FAT4: variants seen among roughly 807,000 people sequenced by gnomAD.
The protein encoded by FAT4 is protocadherin Fat 4.
In FAT4, 84 loss-of-function variants were observed where a neutral mutation model predicts 303.9. That is an observed-to-expected ratio of 0.28 (90% CI 0.23 to 0.33). The LOEUF is 0.33. Among genes scored for constraint, FAT4 ranks in the 10% least tolerant of loss-of-function variants. The pLI is 1.00. For missense variants in FAT4, 6,005 were observed against 6,146.8 expected, an observed-to-expected ratio of 0.98 and a Z score of 0.77; for synonymous variants, 2,307 against 2,298.8, an observed-to-expected ratio of 1.00 and a Z score of -0.10.
intron 2 of FAT4, among the ~76,000 whole-genome samples, chr4:125,327,216 G>T (rs1397544897): frequency 1.3e-5 from 2 of 152,104 alleles, no homozygotes; most frequent in African/African-American, 4.8e-5. Flanking sequence ...GAATTTGAGA[G>T]AAGGGAGCTG....
rs1471220805 is a variant in FAT4, at chr4:125,468,513, T to A, written c.11907T>A (p.Gly3969=). Residue 3969 remains glycine (G), a splice_region_variant and synonymous_variant, in exon 12 of 18, where the codon GGT becomes GGA. Coordinates refer to ENST00000394329, the MANE Select transcript of FAT4 (RefSeq NM_001291303.3). Reference sequence around the variant, plus strand: ...GTTTGTCAATTTTCCCTCCAACAGGTGTCTTTGGAAAACACTGCGAGTTGA... The same window carrying A: ...GTTTGTCAATTTTCCCTCCAACAGGAGTCTTTGGAAAACACTGCGAGTTGA... ...VDSYYCHCPF[G]VFGKHCELNS... 10 of 1,484,392 alleles carry A rather than the reference T, an allele frequency of 6.7e-6. No individual in the cohort carries two copies. Among genetic ancestry groups the A allele is most frequent in the Non-Finnish European group, 9.0e-6 (10 of 1,106,196 alleles). 92.0% of individuals were successfully genotyped at this position (1,484,392 alleles called of 1,614,324 possible). A position where few individuals can be genotyped will look rare whatever the true frequency, so the allele number is the denominator to read the frequency against.
At chr4:125,465,194 A>AT (rs1726620707) in intron 11 of FAT4, among the ~76,000 whole-genome samples, 1 of 152,138 alleles carries the variant, frequency 6.6e-6, no homozygotes, top group South Asian at 2.1e-4. Context: ...CTAGAACACA[A>AT]TTTTTTATTT....
intron 5 of FAT4, among the ~76,000 whole-genome samples, chr4:125,409,232 C>A (rs149075692): frequency 6.6e-6 from 1 of 151,556 alleles, no homozygotes; most frequent in Admixed American, 6.6e-5. Flanking sequence ...CTAAGTTTCA[C>A]ATTTTTGGCT....
At chr4:125,413,351 C>T (rs1482660763) in intron 5 of FAT4, among the ~76,000 whole-genome samples, 1 of 151,774 alleles carries the variant, frequency 6.6e-6, no homozygotes, top group Non-Finnish European at 1.5e-5. Flanking sequence ...TCTTCAGACT[C>T]CTAAGTATTC....
At chr4:125,339,531 A>T (rs548039467) in intron 2 of FAT4, among the ~76,000 whole-genome samples, 2 of 152,296 alleles carry the variant, frequency 1.3e-5, no homozygotes, top group South Asian at 4.1e-4. Flanking sequence ...TTATTAAACA[A>T]TAATAGCATC....
At position 125,477,342 on chromosome 4, in the gene FAT4, G is replaced by T; in HGVS notation, c.12479+8G>T. The T allele has an allele frequency of 6.5e-7, 1 of 1,540,560 alleles. No individual in the cohort carries two copies. Among genetic ancestry groups the T allele is most frequent in the Non-Finnish European group, 8.8e-7 (1 of 1,140,290 alleles). The stretch of plus-strand genomic sequence containing the variant: ...ACAAGGCATCCTAGATCAGTATGGC[G>T]ATTTTATTTCTTACTGTTTTAAAGA... On this transcript the variant is annotated splice_region_variant and intron_variant, in intron 14 of 17. Transcript: ENST00000394329.
intron 10 of FAT4, among the ~76,000 whole-genome samples, chr4:125,453,653 C>T (rs570665694): frequency 6.6e-4 from 100 of 151,702 alleles, no homozygotes; most frequent in Non-Finnish European, 1.3e-3. Context: ...TTGCAGTGAG[C>T]CGAGATCGCG....
At chr4:125,326,547 T>A (rs1319845243) in intron 2 of FAT4, among the ~76,000 whole-genome samples, 1 of 152,124 alleles carries the variant, frequency 6.6e-6, no homozygotes, top group Non-Finnish European at 1.5e-5. Context: ...AGTTAATAAG[T>A]CGCTTAAGTT....
intron 5 of FAT4, among the ~76,000 whole-genome samples, chr4:125,409,853 T>C (rs967618920): frequency 7.2e-5 from 11 of 152,194 alleles, no homozygotes; most frequent in Non-Finnish European, 1.6e-4. Flanking sequence ...TTTTCCCTTA[T>C]GTTGGATGCA....
chr4:125,385,179 A>G (rs893498667), intron 2 of FAT4, among the ~76,000 whole-genome samples: 2 of 151,344 alleles, frequency 1.3e-5, no homozygotes, highest in Non-Finnish European at 2.9e-5. Context: ...CCGCCACCAC[A>G]CCTGGCTAAT....
intron 2 of FAT4, among the ~76,000 whole-genome samples, chr4:125,389,115 CAA>C (rs748903715): frequency 1.3e-5 from 2 of 151,950 alleles, no homozygotes; most frequent in Non-Finnish European, 2.9e-5. Flanking sequence ...AAAATGAAAC[CAA>C]AGAGAATCTA....
intron 9 of FAT4, among the ~76,000 whole-genome samples, chr4:125,448,185 C>G (rs1413678787): frequency 1.3e-5 from 2 of 152,010 alleles, no homozygotes; most frequent in African/African-American, 4.8e-5. Context: ...AAGTTCTTTT[C>G]CCTAGGCTTC....
chr4:125,417,451 T>C (rs1411988126), intron 7 of FAT4, among the ~76,000 whole-genome samples: 1 of 152,074 alleles, frequency 6.6e-6, no homozygotes, highest in Non-Finnish European at 1.5e-5. Flanking sequence ...GCCTTGAAAA[T>C]CAGGGTCAGG....
At chr4:125,378,836 A>G (rs1733431882) in intron 2 of FAT4, among the ~76,000 whole-genome samples, 1 of 152,218 alleles carries the variant, frequency 6.6e-6, no homozygotes, top group Admixed American at 6.5e-5. Context: ...TTTTAAATGT[A>G]GGAAGTGCAC....
At chr4:125,356,628 A>G (rs574366716) in intron 2 of FAT4, among the ~76,000 whole-genome samples, 1 of 146,926 alleles carries the variant, frequency 6.8e-6, no homozygotes, top group South Asian at 2.1e-4. Flanking sequence ...GAGTTATTTT[A>G]AAAAGTGACA....
At chr4:125,447,479 G>T (rs772599074) in intron 9 of FAT4, among the ~76,000 whole-genome samples, 1 of 152,058 alleles carries the variant, frequency 6.6e-6, no homozygotes, top group Non-Finnish European at 1.5e-5. Context: ...CCTGCTAAAG[G>T]TCTTCAGATG....
rs1334366167 is a variant in FAT4 at position 125,491,305 on chromosome 4, A to T, written c.14489A>T (p.Asn4830Ile). 2 of 1,614,208 alleles carry T rather than the reference A, an allele frequency of 1.2e-6. No homozygotes were observed. The highest frequency in any genetic ancestry group is 2.2e-5 in the South Asian group (2 of 91,082). The change falls in exon 18 of 18, where the codon AAT (asparagine) becomes ATT (isoleucine). Residue 4830 changes from asparagine (N) to isoleucine (I), a missense_variant. Transcript: ENST00000394329. ...DCRRPLSRTR[N>I]PADGIPAPES... ...AGAAGGCCACTGTCTAGAACAAGGA[A>T]TCCAGCGGATGGCATTCCAGCTCCA... is the stretch of plus-strand genomic sequence containing the variant.
chr4:125,317,727 C>A lies in FAT4; in HGVS notation c.1316C>A (p.Ser439Tyr), dbSNP rs749913769. ...ATCCCTTCCTACAACCTCACAGTTT[C>A]CGTCTCTGATAACTACGGGGCGCCC... ...ERIPSYNLTV[S>Y]VSDNYGAPPG... is the part of the protein sequence containing the mutation. Residue 439 changes from serine to tyrosine, a missense_variant, in exon 2 of 18, where the codon TCC (serine) becomes TAC (tyrosine). Physicochemically the swap from Ser to Tyr is moderately radical, Grantham distance 144. Coordinates refer to ENST00000394329, the MANE Select transcript of FAT4 (RefSeq NM_001291303.3). This position sits in a 1 kb window ranked among gnomAD's most constrained non-coding sequence, Gnocchi z 7.0. 6.2e-7 allele frequency: 1 copy of A among 1,614,020 alleles called. No homozygotes were observed. Among genetic ancestry groups the A allele is most frequent in the African/African-American group, 1.3e-5 (1 of 74,954 alleles).
In FAT4 at chr4:125,389,504, T is replaced by C. The variant is rs145658571; in HGVS notation, c.5176-9280T>C. 5.1e-4 allele frequency among the ~76,000 whole-genome samples: 78 copies of C among 152,276 alleles called. No homozygotes were observed. The East Asian group carries it at 0.015, about 29-fold the overall frequency. On this transcript the variant is annotated intron_variant, in intron 2 of 17. Transcript: ENST00000394329. ...GCACCAAATGCATACACTTACTTTATGATAATTTCTGAAACTTAAGTAGAG... is the reference window on the plus strand; with the variant it reads ...GCACCAAATGCATACACTTACTTTACGATAATTTCTGAAACTTAAGTAGAG...
Sources: allele counts gnomAD v4.1 joint callset (sites outside exome capture counted in the v4.1 genomes callset), GRCh38; gene constraint gnomAD v4.1.1; non-coding constraint Gnocchi (gnomAD v3.1); transcripts MANE v1.5; gene names NCBI Gene and HGNC (gene_info 2026-07-23, HGNC 2026-07-21).